Variants in USP15 observed in about 807,000 individuals in gnomAD.
USP15 encodes the protein ubiquitin specific peptidase 15.
A neutral mutation model predicts 127.1 loss-of-function variants in USP15; 18 were observed. The observed-to-expected ratio is 0.14, with a 90% CI of 0.10 to 0.21. The LOEUF is 0.21. USP15 is among the 10% of genes least tolerant of loss of function. The probability of loss-of-function intolerance (pLI) is 1.00; values close to 1 mark genes in which losing one functional copy is unlikely to be tolerated. For synonymous variants in USP15, 364 were observed against 393.7 expected (o/e 0.92, Z 0.89); for missense variants, 805 against 1,159.9 (o/e 0.69, Z 4.44).
In USP15 at chr12:62,302,793, G is replaced by T; in HGVS notation, c.221G>T (p.Gly74Val). The change falls in exon 3 of 22, where the codon GGT becomes GTT. Residue 74 changes from glycine to valine, a missense_variant. This residue lies in a region of USP15 where 69 missense variants were observed against 126.4 expected (regional missense o/e 0.55). Transcript: ENST00000280377. Reference protein sequence around the residue: ...PIDNSGLLKDGDAQSLKEHLI... With the variant: ...PIDNSGLLKDVDAQSLKEHLI... ...GAGTTTATTTTTTCTTTTGCAGATGGTGATGCCCAGTCACTTAAGGAACAC... is the reference window on the plus strand; with the variant it reads ...GAGTTTATTTTTTCTTTTGCAGATGTTGATGCCCAGTCACTTAAGGAACAC... 6.2e-7 allele frequency: 1 copy of T among 1,606,764 alleles called. No individual in the cohort carries two copies. The highest frequency in any genetic ancestry group is 8.5e-7 in the Non-Finnish European group (1 of 1,175,640).
At position 62,314,931 on chromosome 12, in the gene USP15, T is replaced by C. The variant is rs758175884; in HGVS notation, c.475+15T>C. On this transcript the variant is annotated intron_variant, in intron 4 of 21. Transcript: ENST00000280377. ...TGACACAATAGGTAATGCAAGATCCTGTCTTGTTTTTAATCCATTGCTATT... is the reference window on the plus strand; with the variant it reads ...TGACACAATAGGTAATGCAAGATCCCGTCTTGTTTTTAATCCATTGCTATT... The C allele has an allele frequency of 1.9e-5, 29 of 1,552,630 alleles. No individual in the cohort carries two copies. Among genetic ancestry groups the C allele is most frequent in the Non-Finnish European group, 2.4e-5 (28 of 1,150,448 alleles).
intron 11 of USP15, among the ~76,000 whole-genome samples, chr12:62,386,138 C>G (rs2137590143): frequency 6.7e-6 from 1 of 149,182 alleles, no homozygotes; most frequent in South Asian, 2.1e-4. Flanking sequence ...ATGGTTAGCA[C>G]AGAGAAATTC....
At chr12:62,321,953 G>A (rs1302352113) in intron 5 of USP15, among the ~76,000 whole-genome samples, 1 of 152,104 alleles carries the variant, frequency 6.6e-6, no homozygotes, top group African/African-American at 2.4e-5. Context: ...TTCTCTGCAG[G>A]CCATAAAGTA....
At chr12:62,349,344 A>G in intron 7 of USP15, 37 bp downstream of exon 7, 1 of 1,375,886 alleles carries the variant, frequency 7.3e-7, no homozygotes, top group Non-Finnish European at 9.6e-7. Context: ...TGTTTAATTG[A>G]TCACCCTATT....
intron 6 of USP15, among the ~76,000 whole-genome samples, chr12:62,345,406 A>G (rs1271307996): frequency 6.6e-6 from 1 of 152,202 alleles, no homozygotes; most frequent in Admixed American, 6.5e-5. Flanking sequence ...TGTCTATAAC[A>G]GTGTCAGCAT....
At chr12:62,261,058 C>T (rs1214654576) in intron 1 of USP15, among the ~76,000 whole-genome samples, 1 of 152,130 alleles carries the variant, frequency 6.6e-6, no homozygotes, top group Non-Finnish European at 1.5e-5. Context: ...ACCCTAGTTT[C>T]CAGTTCCTTG....
At position 62,391,145 on chromosome 12, in the gene USP15, A is replaced by G. The variant is rs770205900; in HGVS notation, c.1961-12A>G. On this transcript the variant is annotated splice_polypyrimidine_tract_variant and intron_variant, in intron 15 of 21. Coordinates refer to ENST00000280377, the MANE Select transcript of USP15 (RefSeq NM_001252078.2). ...TTGGGTTTATTTAAAGCTCTCTAATATCTAAAATTAGGTGAAATGGAAACA... is the reference window on the plus strand; with the variant it reads ...TTGGGTTTATTTAAAGCTCTCTAATGTCTAAAATTAGGTGAAATGGAAACA... 2 of 1,602,898 alleles carry G rather than the reference A, an allele frequency of 1.2e-6. No homozygotes were observed.
chr12:62,346,212 ATAATAT>A (rs2065813223), intron 6 of USP15, among the ~76,000 whole-genome samples: 1 of 152,350 alleles, frequency 6.6e-6, no homozygotes, highest in Middle Eastern at 3.4e-3. Context: ...AGTTTGTCAG[ATAATAT>A]TAAAAAGAAA....
chr12:62,339,627 C>G (rs2065586592), intron 6 of USP15, among the ~76,000 whole-genome samples: 1 of 152,050 alleles, frequency 6.6e-6, no homozygotes, highest in Non-Finnish European at 1.5e-5. Flanking sequence ...GCCTTTTGTG[C>G]ATCTATTGAG....
chr12:62,375,236 GT>G (rs1300094894), intron 8 of USP15, among the ~76,000 whole-genome samples: 1 of 152,062 alleles, frequency 6.6e-6, no homozygotes, highest in African/African-American at 2.4e-5. Context: ...CTTGATAGTT[GT>G]TGGGGAAATC....
rs371182773 is a variant in USP15, at chr12:62,389,886, C to T, written c.1742C>T (p.Thr581Ile). ...LREKFRHSSYTHHTGSSLFGQ... is the reference protein window; with the variant it reads ...LREKFRHSSYIHHTGSSLFGQ... ...GAAAAATTCAGACACTCGAGTTATA[C>T]CCACCATACTGGTTCTTCACTTTTT... The change falls in exon 14 of 22, where the codon ACC becomes ATC. Residue 581 changes from threonine to isoleucine, a missense_variant. Around this residue, in one of 11 missense-constraint regions of USP15, gnomAD observed 225 missense variants for 239.5 expected, o/e 0.94. Transcript: ENST00000280377. The T allele has an allele frequency of 8.7e-6, 14 of 1,613,732 alleles. No homozygotes were observed. Among genetic ancestry groups the T allele is most frequent in the Non-Finnish European group, 1.2e-5 (14 of 1,179,888 alleles).
rs549106012 is a variant in USP15 at position 62,267,329 on chromosome 12, C to T, written c.89+6826C>T. 224 of 152,192 alleles carry T rather than the reference C, an allele frequency of 1.5e-3. 2 individuals are homozygous for T. The highest frequency in any genetic ancestry group is 5.1e-3 in the African/African-American group (213 of 41,540). The allele number at this position is 152,192 out of a possible 1,614,324, so 9.4% of individuals were successfully genotyped here. ...ACTATTCAAGAAATCTAGCATAAGCCTAGTAAGTAGCCTCAGTTTTGGATA... is the reference window on the plus strand; with the variant it reads ...ACTATTCAAGAAATCTAGCATAAGCTTAGTAAGTAGCCTCAGTTTTGGATA... On this transcript the variant is annotated intron_variant, in intron 1 of 21. Coordinates refer to ENST00000280377, the MANE Select transcript of USP15 (RefSeq NM_001252078.2).
At chr12:62,376,865 C>T (rs1009362967) in intron 8 of USP15, among the ~76,000 whole-genome samples, 3 of 152,068 alleles carry the variant, frequency 2.0e-5, no homozygotes, top group African/African-American at 7.2e-5. Flanking sequence ...GGGAAGTTTT[C>T]TACTGCTACC....
chr12:62,327,888 A>G (rs1448182658), intron 6 of USP15: 1 of 226,146 alleles, frequency 4.4e-6, no homozygotes, highest in Non-Finnish European at 9.0e-6. Context: ...TTAAATATCC[A>G]TTCCCTATAA....
At chr12:62,353,224 G>A (rs1250985929) in intron 7 of USP15, among the ~76,000 whole-genome samples, 1 of 151,910 alleles carries the variant, frequency 6.6e-6, no homozygotes, top group Non-Finnish European at 1.5e-5. Context: ...CTCAATCTTT[G>A]AGCAAAGTTG....
At chr12:62,346,525 A>G (rs535944462) in intron 6 of USP15, among the ~76,000 whole-genome samples, 4 of 152,324 alleles carry the variant, frequency 2.6e-5, no homozygotes, top group Admixed American at 6.5e-5. Context: ...TCCATGGACT[A>G]TACTTTGAGA....
chr12:62,393,235 C>A (rs149425355), intron 19 of USP15, 33 bp downstream of exon 19: 1 of 1,588,030 alleles, frequency 6.3e-7, no homozygotes, highest in African/African-American at 1.4e-5. Context: ...AAGCATTGGG[C>A]AACTCTTCTT....
chr12:62,351,878 A>G (rs1186738829), intron 7 of USP15, among the ~76,000 whole-genome samples: 1 of 151,424 alleles, frequency 6.6e-6, no homozygotes, highest in Non-Finnish European at 1.5e-5. Context: ...CATTCGTAAA[A>G]TGGAAAGTTT....
chr12:62,322,381 C>T (rs932798353), intron 5 of USP15, among the ~76,000 whole-genome samples: 1 of 152,108 alleles, frequency 6.6e-6, no homozygotes, highest in African/African-American at 2.4e-5. Context: ...CTTGATCTGC[C>T]CGCCTCAGCC....
Sources: gnomAD v4.1 joint callset for allele counts (sites outside exome capture counted in the v4.1 genomes callset) on GRCh38, gnomAD v4.1.1 for gene constraint, gnomAD v4.1.1 regional missense constraint, MANE v1.5 for transcripts, NCBI Gene and HGNC (gene_info 2026-07-23, HGNC 2026-07-21) for gene names.